The following ACSL3 variants were observed in gnomAD, a reference collection of about 807,000 sequenced individuals.
The protein encoded by ACSL3 is acyl-CoA synthetase long chain family member 3.
In ACSL3, 34 loss-of-function variants were observed where a neutral mutation model predicts 84.7. The observed-to-expected ratio is 0.40, with a 90% CI of 0.31 to 0.53. The LOEUF (loss-of-function observed/expected upper bound fraction) is 0.53, where lower values mean the gene tolerates loss of function less well. Ranked by LOEUF, ACSL3 falls within the 20% of genes least tolerant of loss-of-function variation. The pLI is 0.48. For missense variants in ACSL3, 680 were observed against 873.1 expected (o/e 0.78, Z 2.79); for synonymous variants, 315 against 299.4 (o/e 1.05, Z -0.54).
chr2:222,881,717 T>C (rs1320016047), intron 1 of ACSL3, among the ~76,000 whole-genome samples: 1 of 152,196 alleles, frequency 6.6e-6, no homozygotes, highest in East Asian at 1.9e-4. Flanking sequence ...GGTTTCACCA[T>C]GTTGGCTAGG....
chr2:222,894,709 G>A (rs189287847), intron 2 of ACSL3, among the ~76,000 whole-genome samples: 33 of 151,690 alleles, frequency 2.2e-4, no homozygotes, highest in African/African-American at 8.0e-4. Context: ...TTTTTCTGTA[G>A]TCAGGCATGA....
At chr2:222,876,444 C>T (rs536155108) in intron 1 of ACSL3, among the ~76,000 whole-genome samples, 1 of 152,196 alleles carries the variant, frequency 6.6e-6, no homozygotes, top group African/African-American at 2.4e-5. Context: ...ACCTCAGCCT[C>T]CCAAGTAGCT....
intron 4 of ACSL3, 48 bp from the exon 5 acceptor site, chr2:222,916,270 TA>T: frequency 8.0e-7 from 1 of 1,247,182 alleles, no homozygotes; most frequent in Non-Finnish European, 1.1e-6. Flanking sequence ...GTTTCTTCTG[TA>T]AATTATTATT....
At chr2:222,864,096 G>A (rs886273409) in intron 1 of ACSL3, among the ~76,000 whole-genome samples, 21 of 152,128 alleles carry the variant, frequency 1.4e-4, no homozygotes, top group African/African-American at 4.8e-4. Flanking sequence ...AATAGTAAAT[G>A]GAGTGGGAGA....
rs1275567302 is a variant in ACSL3 at position 222,930,808 on chromosome 2, T to C, written c.1728T>C (p.Ile576=). The change falls in exon 14 of 17, where the codon ATT becomes ATC. Residue 576 remains isoleucine, a synonymous_variant. Transcript: ENST00000357430. ...GEFEPDGCLK[I]IDRKKDLVKL... ...TTGAACCCGATGGATGCTTAAAGAT[T>C]ATTGGTAAGTCATCTAATATTTTTT... is the stretch of plus-strand genomic sequence containing the variant. 1.9e-6 allele frequency: 3 copies of C among 1,591,216 alleles called. No individual in the cohort carries two copies. The South Asian group carries it at 3.4e-5, about 18-fold the overall frequency.
rs147867500 is a variant in ACSL3 at position 222,863,431 on chromosome 2, C to T, written c.-207+2173C>T. ...GTATTTCATACTCAGAATGTCATCCCGGCTCTCATTGCAAGATACGAAAAT... is the reference window on the plus strand; with the variant it reads ...GTATTTCATACTCAGAATGTCATCCTGGCTCTCATTGCAAGATACGAAAAT... On this transcript the variant is annotated intron_variant, in intron 1 of 16. Transcript: ENST00000357430. Among the ~76,000 whole-genome samples, 199 of 152,244 alleles carry T rather than the reference C, an allele frequency of 1.3e-3. 2 individuals are homozygous for T. The East Asian group carries it at 0.016, about 13-fold the overall frequency.
chr2:222,891,000 A>G (rs1695833297), intron 2 of ACSL3, among the ~76,000 whole-genome samples: 1 of 152,234 alleles, frequency 6.6e-6, no homozygotes, highest in Non-Finnish European at 1.5e-5. Context: ...CCTTCACTTA[A>G]AAATTAGGCT....
At chr2:222,872,061 G>T (rs1695317724) in intron 1 of ACSL3, among the ~76,000 whole-genome samples, 1 of 152,078 alleles carries the variant, frequency 6.6e-6, no homozygotes, top group African/African-American at 2.4e-5. Flanking sequence ...ACAGGGAAAA[G>T]TTCATAATTT....
chr2:222,932,517 C>T (rs553660357), intron 14 of ACSL3, among the ~76,000 whole-genome samples: 80 of 152,156 alleles, frequency 5.3e-4, no homozygotes, highest in African/African-American at 1.7e-3. Context: ...TTAGTAGAGT[C>T]GGGGTTTCAC....
At chr2:222,902,063 A>G (rs956509947) in intron 3 of ACSL3, among the ~76,000 whole-genome samples, 15 of 151,624 alleles carry the variant, frequency 9.9e-5, no homozygotes, top group African/African-American at 3.4e-4. Context: ...CTTGTTAAAT[A>G]CATGCGTGTA....
intron 2 of ACSL3, among the ~76,000 whole-genome samples, chr2:222,894,109 A>T (rs915447098): frequency 3.3e-5 from 5 of 152,296 alleles, no homozygotes; most frequent in African/African-American, 1.2e-4. Flanking sequence ...TTTAACATAA[A>T]ATTTTATTTT....
At chr2:222,901,154 T>C (rs1559288209) in intron 3 of ACSL3, among the ~76,000 whole-genome samples, 1 of 152,236 alleles carries the variant, frequency 6.6e-6, no homozygotes, top group Non-Finnish European at 1.5e-5. Flanking sequence ...AGAACTAGTC[T>C]CTACCTTTTA....
Position 222,916,437 on chromosome 2 carries a change from G to A in ACSL3, c.497G>A (p.Cys166Tyr). 6.2e-7 allele frequency: 1 copy of A among 1,614,040 alleles called. No individual in the cohort carries two copies. Among genetic ancestry groups the A allele is most frequent in the Non-Finnish European group, 8.5e-7 (1 of 1,179,976 alleles). ...CCAAAGACCAACATCGCCATCTTCT[G>A]TGAGACCAGGGCCGAGTGGATGATA... ...QKPKTNIAIF[C>Y]ETRAEWMIAA... is the part of the protein sequence containing the mutation. The change falls in exon 5 of 17, where the codon TGT becomes TAT. Residue 166 changes from cysteine to tyrosine, a missense_variant. This residue lies in a region of ACSL3 where 333 missense variants were observed against 347.5 expected (regional missense o/e 0.96). Transcript: ENST00000357430.
In ACSL3 at chr2:222,908,833, A is replaced by G. The variant is rs367766958; in HGVS notation, c.61A>G (p.Ile21Val). 4.1e-5 allele frequency: 65 copies of G among 1,604,084 alleles called. No individual in the cohort carries two copies. Among genetic ancestry groups the G allele is most frequent in the Non-Finnish European group, 4.6e-5 (54 of 1,174,426 alleles). Residue 21 changes from isoleucine to valine, a missense_variant, in exon 4 of 17, where the codon ATT (isoleucine) becomes GTT (valine). By Grantham distance (29) the Ile-to-Val change is conservative (BLOSUM62 3). Around this residue, in one of 2 missense-constraint regions of ACSL3, gnomAD observed 333 missense variants for 347.5 expected, o/e 0.96. Coordinates refer to ENST00000357430, the MANE Select transcript of ACSL3 (RefSeq NM_004457.5). ...TMKLKHTINP[I>V]LLYFIHFLIS... ...GAAGCTAAAACATACCATCAACCCT[A>G]TTCTTTTATATTTTATACATTTTCT...
At chr2:222,900,424 A>G (rs573261366) in intron 2 of ACSL3, among the ~76,000 whole-genome samples, 1 of 152,144 alleles carries the variant, frequency 6.6e-6, no homozygotes, top group African/African-American at 2.4e-5. Context: ...CCTTCTCTTT[A>G]TGGCTCCAAA....
At chr2:222,893,130 G>A (rs1695883001) in intron 2 of ACSL3, among the ~76,000 whole-genome samples, 2 of 152,180 alleles carry the variant, frequency 1.3e-5, no homozygotes, top group Non-Finnish European at 1.5e-5. Flanking sequence ...GTGGTGGGCA[G>A]GATTAACTGA....
chr2:222,900,249 T>G (rs1696103102), intron 2 of ACSL3, among the ~76,000 whole-genome samples: 1 of 152,216 alleles, frequency 6.6e-6, no homozygotes, highest in African/African-American at 2.4e-5. Flanking sequence ...GCTCTGTGGC[T>G]CTCCCCTCCC....
intron 3 of ACSL3, 91 bp from the exon 4 acceptor site, chr2:222,908,641 GA>G (rs199971758): frequency 0.019 from 12,822 of 659,414 alleles, 5 homozygotes; most frequent in Middle Eastern, 0.022. Flanking sequence ...CTGCCTGATA[GA>G]AAAAAAAAAA....
At chr2:222,915,333 T>C (rs1696550307) in intron 4 of ACSL3, among the ~76,000 whole-genome samples, 1 of 152,224 alleles carries the variant, frequency 6.6e-6, no homozygotes, top group Non-Finnish European at 1.5e-5. Context: ...AATGCGTAAT[T>C]GCATGGGACA....
Sources: allele counts gnomAD v4.1 joint callset (sites outside exome capture counted in the v4.1 genomes callset), GRCh38; gene constraint gnomAD v4.1.1; regional missense constraint gnomAD v4.1.1; transcripts MANE v1.5; gene names NCBI Gene and HGNC (gene_info 2026-07-23, HGNC 2026-07-21).